Variants in MACF1 observed in about 807,000 individuals in gnomAD.
MACF1 encodes the protein microtubule-actin cross-linking factor 1.
Under a neutral mutation model 854.8 loss-of-function variants are expected in MACF1, and 193 were observed. The ratio of observed to expected loss-of-function variants is 0.23; its 90% CI spans 0.20 to 0.25. The LOEUF (loss-of-function observed/expected upper bound fraction) is 0.25. Among genes scored for constraint, MACF1 ranks in the 10% least tolerant of loss-of-function variants. The pLI is 1.00. For synonymous variants in MACF1, 3,185 were observed against 3,226.7 expected (o/e 0.99, Z 0.44); for missense variants, 7,722 against 8,929.1 (o/e 0.86, Z 5.45).
intron 23 of MACF1, among the ~76,000 whole-genome samples, chr1:39,305,058 C>G (rs533082943): frequency 1.3e-5 from 2 of 150,922 alleles, no homozygotes; most frequent in African/African-American, 4.9e-5. Flanking sequence ...GTCAGGAGTT[C>G]GAGACCAGCC....
chr1:39,146,165 G>A (rs1387677632), intron 2 of MACF1, among the ~76,000 whole-genome samples: 6 of 152,096 alleles, frequency 3.9e-5, no homozygotes, highest in African/African-American at 1.2e-4. Context: ...AATGTGGGCC[G>A]GGCACAGTAG....
Position 39,308,667 on chromosome 1 carries a change from T to C in MACF1, c.2790-903T>C, listed in dbSNP as rs139281330. The stretch of plus-strand genomic sequence containing the variant: ...TCATACTTCAGTTTTCTTTTTTTTT[T>C]TTCTTGAAATGGAGTTCTGCTCTTG... On this transcript the variant is annotated intron_variant, in intron 23 of 100. Transcript: ENST00000564288. Among the ~76,000 whole-genome samples the C allele has an allele frequency of 3.3e-3, 502 of 152,232 alleles. 7 individuals carry two copies. Among genetic ancestry groups the C allele is most frequent in the African/African-American group, 0.012 (490 of 41,536 alleles).
chr1:39,092,787 CTTTCTTTTT>C (rs1641838113), intron 2 of MACF1, among the ~76,000 whole-genome samples: 1 of 46,324 alleles, frequency 2.2e-5, no homozygotes, highest in African/African-American at 5.8e-5. Context: ...TTTTTCTTTT[CTTTCTTTTT>C]TTTTTGAGAT....
intron 40 of MACF1, among the ~76,000 whole-genome samples, chr1:39,343,286 T>G (rs1342949447): frequency 6.6e-6 from 1 of 152,212 alleles, no homozygotes; most frequent in Non-Finnish European, 1.5e-5. Flanking sequence ...CCTCCTTCTA[T>G]TCTATCTTCT....
chr1:39,365,390 T>C (rs1420278671), intron 49 of MACF1, among the ~76,000 whole-genome samples: 1 of 152,146 alleles, frequency 6.6e-6, no homozygotes, highest in African/African-American at 2.4e-5. Context: ...ATCTGAAACT[T>C]TTTGAGAGCT....
rs778785908 is a variant in MACF1 at position 39,387,709 on chromosome 1, G to A, written c.14867G>A (p.Arg4956His). 8 of 1,613,978 alleles carry A rather than the reference G, an allele frequency of 5.0e-6. No individual in the cohort carries two copies. The highest frequency in any genetic ancestry group is 2.2e-5 in the South Asian group (2 of 91,074). Reference protein sequence around the residue: ...KAMLNEVEKRRSLLEILNSAA... With the variant: ...KAMLNEVEKRHSLLEILNSAA... ...ATGCTGAATGAGGTGGAGAAGCGCC[G>A]CTCCCTGCTGGAAATATTGAATAGT... Residue 4956 changes from arginine to histidine, a missense_variant, in exon 58 of 101, where the codon CGC (arginine) becomes CAC (histidine). This residue lies in a region of MACF1 where 2,807 missense variants were observed against 3,235.8 expected (regional missense o/e 0.87). Transcript: ENST00000564288.
Position 39,435,470 on chromosome 1 carries a change from TA to T in MACF1, c.17785-85del. The stretch of plus-strand genomic sequence containing the variant: ...TTTTAACAATTTTGTTTGTTCCTCT[TA>T]AAGTTGATATTAGCTCTGATCAAAG... On this transcript the variant is annotated intron_variant, in intron 69 of 100. Coordinates refer to ENST00000564288, the MANE Select transcript of MACF1 (RefSeq NM_001394062.1). 2.7e-6 allele frequency: 3 copies of T among 1,118,126 alleles called. No homozygotes were observed. The South Asian group carries it at 4.4e-5, about 16-fold the overall frequency. The allele number at this position is 1,118,126 out of a possible 1,614,324, so 69.3% of individuals were successfully genotyped here.
At chr1:39,436,441 G>A (rs746363461) in intron 70 of MACF1, 23 of 1,612,426 alleles carry the variant, frequency 1.4e-5, no homozygotes, top group South Asian at 4.4e-5. Context: ...TCCCCACATC[G>A]TCACATTTCA....
Position 39,479,842 on chromosome 1 carries a change from C to T in MACF1, c.22003C>T (p.Pro7335Ser). The T allele has an allele frequency of 3.7e-6, 6 of 1,614,226 alleles. No individual in the cohort carries two copies. The highest frequency in any genetic ancestry group is 5.1e-6 in the Non-Finnish European group (6 of 1,180,032). ...NIELREKFIL[P>S]EGASQGMTPF... ...TGAACTTAGAGAGAAATTCATCCTA[C>T]CAGAGGGAGCATCCCAGGGAATGAC... Residue 7335 changes from proline to serine, a missense_variant, in exon 98 of 101, where the codon CCA becomes TCA. Physicochemically the swap from Pro to Ser is moderately conservative, Grantham distance 74 (BLOSUM62 -1). Around this residue, in one of 15 missense-constraint regions of MACF1, gnomAD observed 153 missense variants for 342.5 expected, o/e 0.45. Transcript: ENST00000564288.
Position 39,204,880 on chromosome 1 carries a change from G to C in MACF1, c.-143G>C. On this transcript the variant is annotated 5_prime_UTR_variant, in exon 1 of 101. Coordinates refer to ENST00000564288, the MANE Select transcript of MACF1 (RefSeq NM_001394062.1). The stretch of plus-strand genomic sequence containing the variant: ...TCAGAAGTGAGATGGAGGAGAAGCT[G>C]CCAGGAAGTTTCTGACAACACTAAG... 1.6e-6 allele frequency: 1 copy of C among 613,390 alleles called. No homozygotes were observed. Among genetic ancestry groups the C allele is most frequent in the Non-Finnish European group, 2.9e-6 (1 of 345,136 alleles). 38.0% of individuals were successfully genotyped at this position (613,390 alleles called of 1,614,324 possible). A position where few individuals can be genotyped will look rare whatever the true frequency, so the allele number is the denominator to read the frequency against.
intron 2 of MACF1, among the ~76,000 whole-genome samples, chr1:39,156,918 T>C (rs1475729179): frequency 6.6e-6 from 1 of 152,078 alleles, no homozygotes; most frequent in Non-Finnish European, 1.5e-5. Context: ...CTAGTAGCAT[T>C]GGAAGGCACA....
chr1:39,445,353 A>G (rs1484754716), intron 80 of MACF1, among the ~76,000 whole-genome samples: 2 of 152,202 alleles, frequency 1.3e-5, no homozygotes, highest in African/African-American at 4.8e-5. Context: ...GTTTGCCCAA[A>G]AAGATTATTT....
intron 51 of MACF1, among the ~76,000 whole-genome samples, chr1:39,372,023 C>T (rs1301971422): frequency 6.6e-6 from 1 of 151,732 alleles, no homozygotes; most frequent in East Asian, 1.9e-4. Flanking sequence ...TTCACCATGT[C>T]GGCCAGTCTG....
intron 2 of MACF1, among the ~76,000 whole-genome samples, chr1:39,185,718 T>C (rs1411666475): frequency 6.6e-6 from 1 of 152,016 alleles, no homozygotes. Context: ...ATCTTTGGAG[T>C]AGGATAAGAA....
chr1:39,461,410 T>G (rs1239956341), intron 92 of MACF1, among the ~76,000 whole-genome samples: 1 of 152,192 alleles, frequency 6.6e-6, no homozygotes, highest in Non-Finnish European at 1.5e-5. Context: ...ATTACCTTTT[T>G]TCGTTGCATT....
At chr1:39,206,871 G>A (rs934348032) in intron 1 of MACF1, 76 of 152,070 alleles carry the variant, frequency 5.0e-4, no homozygotes, top group African/African-American at 1.8e-3. Context: ...TTACCTGCCA[G>A]TTGGACATCA....
rs756664227 is a variant in MACF1, at chr1:39,119,232, G to T, written c.220+34794G>T. Among the ~76,000 whole-genome samples, 7 of 149,406 alleles carry T rather than the reference G, an allele frequency of 4.7e-5. No individual in the cohort carries two copies. In the South Asian group the frequency reaches 1.5e-3, roughly 31 times the overall value. ...CTTGGGAGGCTGAGGCAGGAGAATCGCTTGAACCCGGGAGGCGGAGGTTGC... is the reference window on the plus strand; with the variant it reads ...CTTGGGAGGCTGAGGCAGGAGAATCTCTTGAACCCGGGAGGCGGAGGTTGC... On this transcript the variant is annotated intron_variant, in intron 2 of 93. Transcript: ENST00000361689.
At chr1:39,187,441 C>A (rs1644187375) in intron 2 of MACF1, among the ~76,000 whole-genome samples, 1 of 152,194 alleles carries the variant, frequency 6.6e-6, no homozygotes, top group Admixed American at 6.5e-5. Context: ...GTAAAGCTGT[C>A]ATCCTGGCAC....
chr1:39,369,633 C>G (rs867319069), intron 50 of MACF1, among the ~76,000 whole-genome samples: 1 of 152,228 alleles, frequency 6.6e-6, no homozygotes, highest in Non-Finnish European at 1.5e-5. Flanking sequence ...CGGCACCTTC[C>G]TTGCTAAAGC....
Sources: gnomAD v4.1 joint callset for allele counts (sites outside exome capture counted in the v4.1 genomes callset) on GRCh38, gnomAD v4.1.1 for gene constraint, gnomAD v4.1.1 regional missense constraint, MANE v1.5 for transcripts, NCBI Gene and HGNC (gene_info 2026-07-23, HGNC 2026-07-21) for gene names.